EXD1: variants seen among roughly 807,000 people sequenced by gnomAD.
EXD1 encodes the protein exonuclease 3'-5' domain containing 1.
A neutral mutation model predicts 49.1 loss-of-function variants in EXD1; 63 were observed. That is an observed-to-expected ratio of 1.28 (90% CI 1.05 to 1.58). The LOEUF is 1.58. EXD1 is among the 40% of genes most tolerant of loss of function. The pLI, the probability that EXD1 is intolerant of heterozygous loss-of-function variation, is 0.00. For missense variants in EXD1, 748 were observed against 666.0 expected (o/e 1.12, Z -1.36); for synonymous variants, 234 against 239.2 (o/e 0.98, Z 0.20).
At chr15:41,186,094 A>G (rs1200313517) in intron 11 of EXD1, among the ~76,000 whole-genome samples, 2 of 152,270 alleles carry the variant, frequency 1.3e-5, no homozygotes, top group East Asian at 1.9e-4. Flanking sequence ...TCCTGATATT[A>G]GTGTTCTCAA....
intron 1 of EXD1, among the ~76,000 whole-genome samples, chr15:41,228,752 G>A (rs1351188136): frequency 6.6e-6 from 1 of 152,132 alleles, no homozygotes; most frequent in African/African-American, 2.4e-5. Flanking sequence ...AGGCTGGAGT[G>A]CAGTACCGCT....
intron 11 of EXD1, among the ~76,000 whole-genome samples, chr15:41,189,010 GC>G (rs1405002161): frequency 1.3e-5 from 2 of 151,482 alleles, no homozygotes; most frequent in Non-Finnish European, 2.9e-5. Context: ...CATCATGTTG[GC>G]CAGGCTGGTC....
intron 7 of EXD1, among the ~76,000 whole-genome samples, chr15:41,203,916 CA>C (rs1187093511): frequency 3.6e-3 from 84 of 23,238 alleles, no homozygotes; most frequent in African/African-American, 9.1e-3. Flanking sequence ...GACTTCTCCT[CA>C]AAAAAAAAAA....
intron 7 of EXD1, among the ~76,000 whole-genome samples, chr15:41,197,229 CTTTTT>C (rs976999245): frequency 1.5e-5 from 2 of 133,176 alleles, no homozygotes; most frequent in African/African-American, 2.7e-5. Context: ...TTTCTTTTTT[CTTTTT>C]TTTTTTTTTT....
chr15:41,189,802 T>C (rs2046476186), intron 11 of EXD1, 135 bp downstream of exon 11: 3 of 763,362 alleles, frequency 3.9e-6, no homozygotes, highest in Non-Finnish European at 4.3e-6. Flanking sequence ...ATGCCCAAGC[T>C]GTTGCCCCTT....
At chr15:41,216,593 T>G (rs2140893842) in intron 5 of EXD1, 75 bp downstream of exon 5, 1 of 1,458,718 alleles carries the variant, frequency 6.9e-7, no homozygotes, top group East Asian at 2.5e-5. Context: ...ATCACGCCAT[T>G]GCACTGCAGC....
chr15:41,198,951 A>AG (rs1055196103), intron 7 of EXD1, among the ~76,000 whole-genome samples: 10 of 149,114 alleles, frequency 6.7e-5, no homozygotes, highest in African/African-American at 2.5e-4. Context: ...TACAGGCGTG[A>AG]GCCACCACAC....
At chr15:41,210,450 G>C (rs1478665284) in intron 6 of EXD1, among the ~76,000 whole-genome samples, 1 of 152,172 alleles carries the variant, frequency 6.6e-6, no homozygotes, top group Non-Finnish European at 1.5e-5. Flanking sequence ...CCAGCACTTT[G>C]GGAGGCTGAG....
intron 2 of EXD1, among the ~76,000 whole-genome samples, chr15:41,221,605 G>C (rs1056445326): frequency 1.2e-4 from 18 of 151,814 alleles, no homozygotes; most frequent in African/African-American, 4.1e-4. Context: ...TGTTACAGTG[G>C]CTCCCTGATT....
chr15:41,186,894 C>CTTTTTTTTTTTTTT, intron 11 of EXD1, among the ~76,000 whole-genome samples: 1 of 127,112 alleles, frequency 7.9e-6, no homozygotes, highest in Non-Finnish European at 1.7e-5. Context: ...TTTTTTTTTT[C>CTTTTTTTTTTTTTT]TTTTTTTTTT....
chr15:41,190,771 G>A (rs2046501686), intron 10 of EXD1, among the ~76,000 whole-genome samples: 1 of 152,112 alleles, frequency 6.6e-6, no homozygotes, highest in Non-Finnish European at 1.5e-5. Flanking sequence ...ATGTCAGAAG[G>A]TAAAGAAAAT....
At chr15:41,210,662 TA>T (rs147671305) in intron 6 of EXD1, among the ~76,000 whole-genome samples, 16 of 146,486 alleles carry the variant, frequency 1.1e-4, no homozygotes, top group South Asian at 2.2e-4. Flanking sequence ...TCAGCCTGTG[TA>T]AAAAAAAAAA....
intron 9 of EXD1, 53 bp from the exon 10 acceptor site, chr15:41,191,638 T>G (rs2046520043): frequency 2.0e-6 from 3 of 1,504,350 alleles, no homozygotes; most frequent in Non-Finnish European, 2.7e-6. Context: ...CAGAGAGCTA[T>G]CTCATGCCAG....
chr15:41,207,880 T>C (rs2046857926), intron 7 of EXD1, among the ~76,000 whole-genome samples: 1 of 151,504 alleles, frequency 6.6e-6, no homozygotes, highest in Non-Finnish European at 1.5e-5. Context: ...GCATGTTGGC[T>C]CATGCCTGTA....
At position 41,199,796 on chromosome 15, in the gene EXD1, T is replaced by C. The variant is rs533100906; in HGVS notation, c.535-3759A>G. On this transcript the variant is annotated intron_variant, in intron 7 of 11. Coordinates refer to ENST00000458580, the MANE Select transcript of EXD1 (RefSeq NM_001286441.2). ...ATATGTCATATATTATATAATGTCA[T>C]ATATATTATATATGTCATATATAGA... 4.7e-4 allele frequency among the ~76,000 whole-genome samples: 43 copies of C among 90,654 alleles called. No individual in the cohort carries two copies. In the Admixed American group the frequency reaches 6.3e-3, roughly 13 times the overall value. The allele number at this position is 90,654 out of a possible 152,430, so 59.5% of individuals were successfully genotyped here. A position where few individuals can be genotyped will look rare whatever the true frequency, so the allele number is the denominator to read the frequency against.
intron 11 of EXD1, among the ~76,000 whole-genome samples, chr15:41,185,242 C>G (rs979231895): frequency 1.4e-5 from 2 of 147,904 alleles, no homozygotes; most frequent in African/African-American, 2.5e-5. Context: ...AGATAGTCTA[C>G]TCATGTATGA....
chr15:41,203,041 G>T (rs925523549), intron 7 of EXD1, among the ~76,000 whole-genome samples: 4 of 152,056 alleles, frequency 2.6e-5, no homozygotes, highest in African/African-American at 9.6e-5. Context: ...CTATGGTGAA[G>T]ATACCTGACC....
At position 41,191,440 on chromosome 15, in the gene EXD1, A is replaced by T. The variant is rs1424867153; in HGVS notation, c.864+2T>A. 6.2e-5 allele frequency: 97 copies of T among 1,563,366 alleles called. No individual in the cohort carries two copies. The highest frequency in any genetic ancestry group is 8.4e-5 in the Non-Finnish European group (96 of 1,141,592). On this transcript the variant is annotated splice_donor_variant, in intron 10 of 11. Coordinates refer to ENST00000458580, the MANE Select transcript of EXD1 (RefSeq NM_001286441.2). LOFTEE classifies it high-confidence loss of function. ...GTCATACAGGACATCCTTTACACCC[A>T]CCTGAATTAGTTTTTGTCTCTTTTC...
intron 7 of EXD1, among the ~76,000 whole-genome samples, chr15:41,198,107 C>G (rs1044368851): frequency 2.0e-5 from 3 of 152,246 alleles, no homozygotes; most frequent in Admixed American, 6.5e-5. Flanking sequence ...ATTTGGTCTT[C>G]CTTCTGATTT....
Sources: gnomAD v4.1 joint callset for allele counts (sites outside exome capture counted in the v4.1 genomes callset) on GRCh38, gnomAD v4.1.1 for gene constraint, MANE v1.5 for transcripts, NCBI Gene and HGNC (gene_info 2026-07-23, HGNC 2026-07-21) for gene names.